The following NEGR1 variants were observed in gnomAD, a reference collection of about 807,000 sequenced individuals.
NEGR1 encodes the protein neuronal growth regulator 1, also known as IgLON family member 4.
NEGR1 carries 10 observed loss-of-function variants against 40.9 expected under a neutral mutation model. The ratio of observed to expected loss-of-function variants is 0.24; its 90% CI spans 0.15 to 0.42. The LOEUF is 0.42. NEGR1 is among the 10% of genes least tolerant of loss of function. The probability of loss-of-function intolerance (pLI) is 1.00; values close to 1 mark genes in which losing one functional copy is unlikely to be tolerated. For missense variants in NEGR1, 352 were observed against 438.9 expected, an observed-to-expected ratio of 0.80 and a Z score of 1.77; for synonymous variants, 185 against 166.8, an observed-to-expected ratio of 1.11 and a Z score of -0.84.
At chr1:71,973,660 G>T (rs1389138967) in intron 1 of NEGR1, among the ~76,000 whole-genome samples, 2 of 151,646 alleles carry the variant, frequency 1.3e-5, no homozygotes, top group African/African-American at 4.8e-5. Context: ...TTTTCTCTTA[G>T]CAAAATGAAT....
intron 1 of NEGR1, 99 bp from the exon 2 acceptor site, chr1:71,935,410 C>A (rs1645895646): frequency 2.6e-6 from 2 of 768,258 alleles, no homozygotes; most frequent in South Asian, 3.3e-5. Context: ...AATAATAGCA[C>A]AGCATCAAAT....
At chr1:71,848,059 A>C (rs1052332257) in intron 2 of NEGR1, among the ~76,000 whole-genome samples, 2 of 152,212 alleles carry the variant, frequency 1.3e-5, no homozygotes, top group African/African-American at 4.8e-5. Context: ...CAGTCCCTTA[A>C]GCCAAAGCCT....
At chr1:72,031,704 C>T (rs1049065815) in intron 1 of NEGR1, among the ~76,000 whole-genome samples, 1 of 152,046 alleles carries the variant, frequency 6.6e-6, no homozygotes, top group South Asian at 2.1e-4. Context: ...CAGAGAGATT[C>T]TAGTACTTGC....
intron 1 of NEGR1, among the ~76,000 whole-genome samples, chr1:71,948,033 A>G (rs141697963): frequency 6.6e-4 from 100 of 152,292 alleles, no homozygotes; most frequent in African/African-American, 2.2e-3. Flanking sequence ...AAGTTTACAC[A>G]TTGAATATAG....
At chr1:71,610,951 C>T (rs1650229636) in intron 5 of NEGR1, 75 bp downstream of exon 5, 1 of 1,496,448 alleles carries the variant, frequency 6.7e-7, no homozygotes, top group Non-Finnish European at 9.2e-7. Flanking sequence ...AAGAAATTGC[C>T]TAAAGTAAGT....
At chr1:71,967,543 T>C (rs1646220255) in intron 1 of NEGR1, among the ~76,000 whole-genome samples, 1 of 152,210 alleles carries the variant, frequency 6.6e-6, no homozygotes, top group South Asian at 2.1e-4. Context: ...CATACATGAT[T>C]ATAATTTTTA....
chr1:71,783,776 G>T (rs748975634), intron 2 of NEGR1, among the ~76,000 whole-genome samples: 1 of 152,040 alleles, frequency 6.6e-6, no homozygotes, highest in African/African-American at 2.4e-5. Context: ...TCTGTCCTTC[G>T]TGGGGTCACC....
At chr1:72,250,718 T>C (rs1004992063) in intron 1 of NEGR1, among the ~76,000 whole-genome samples, 1 of 152,178 alleles carries the variant, frequency 6.6e-6, no homozygotes, top group African/African-American at 2.4e-5. Context: ...TTTATCAATA[T>C]CTTAAGGGTG....
chr1:71,740,461 C>A (rs1246294694), intron 3 of NEGR1, among the ~76,000 whole-genome samples: 2 of 151,986 alleles, frequency 1.3e-5, no homozygotes, highest in African/African-American at 4.8e-5. Flanking sequence ...AAATATGAAG[C>A]TAAATTTTCC....
At chr1:71,628,028 C>A (rs938662297) in intron 4 of NEGR1, among the ~76,000 whole-genome samples, 1 of 152,156 alleles carries the variant, frequency 6.6e-6, no homozygotes, top group South Asian at 2.1e-4. Flanking sequence ...AGGGTGATAA[C>A]TCACCATGGG....
At chr1:71,944,435 T>A (rs1645999445) in intron 1 of NEGR1, among the ~76,000 whole-genome samples, 1 of 152,140 alleles carries the variant, frequency 6.6e-6, no homozygotes, top group East Asian at 1.9e-4. Context: ...ATTGAGGGAA[T>A]AAAGGACATG....
intron 3 of NEGR1, among the ~76,000 whole-genome samples, chr1:71,717,140 G>A (rs1395191266): frequency 2.6e-5 from 4 of 152,118 alleles, no homozygotes; most frequent in South Asian, 2.1e-4. Flanking sequence ...ATTGGTCTGC[G>A]CCATGTGAAA....
At position 71,399,992 on chromosome 1, in the gene NEGR1, G is replaced by C. The variant is rs1476253023; in HGVS notation, c.*7454C>G. Reference sequence around the variant, plus strand: ...TTTCTTGAGAAATCCCCATGTGCTTGAATACTTGTTTAAGCACAATTCAGA... The same window carrying C: ...TTTCTTGAGAAATCCCCATGTGCTTCAATACTTGTTTAAGCACAATTCAGA... On this transcript the variant is annotated 3_prime_UTR_variant, in exon 7 of 7. Coordinates refer to ENST00000357731, the MANE Select transcript of NEGR1 (RefSeq NM_173808.3). 1.3e-5 allele frequency: 2 copies of C among 152,110 alleles called. No individual in the cohort carries two copies. The highest frequency in any genetic ancestry group is 6.5e-5 in the Admixed American group (1 of 15,272). 9.4% of individuals were successfully genotyped at this position (152,110 alleles called of 1,614,324 possible). A position where few individuals can be genotyped will look rare whatever the true frequency, so the allele number is the denominator to read the frequency against.
intron 6 of NEGR1, among the ~76,000 whole-genome samples, chr1:71,420,191 G>A (rs1021780325): frequency 1.1e-4 from 16 of 152,026 alleles, no homozygotes; most frequent in Admixed American, 6.6e-4. Context: ...CAAAACATTA[G>A]GAAATTTTTG....
intron 2 of NEGR1, among the ~76,000 whole-genome samples, chr1:71,824,583 G>T (rs1658550113): frequency 6.6e-6 from 1 of 151,894 alleles, no homozygotes; most frequent in African/African-American, 2.4e-5. Flanking sequence ...TCAAAGCAAT[G>T]AATTTTGACA....
intron 2 of NEGR1, among the ~76,000 whole-genome samples, chr1:71,825,770 C>T (rs1313549328): frequency 2.0e-5 from 3 of 151,712 alleles, no homozygotes. Flanking sequence ...AATAAACACT[C>T]AATGTATATT....
chr1:72,208,220 A>C (rs1418430048), intron 1 of NEGR1, among the ~76,000 whole-genome samples: 1 of 151,732 alleles, frequency 6.6e-6, no homozygotes, highest in African/African-American at 2.4e-5. Flanking sequence ...CATGTGATTA[A>C]ATAATGTGGA....
intron 6 of NEGR1, among the ~76,000 whole-genome samples, chr1:71,474,670 A>G (rs1646807491): frequency 7.4e-6 from 1 of 135,670 alleles, no homozygotes; most frequent in African/African-American, 2.7e-5. Context: ...AAATTGTACC[A>G]TTGTACCATT....
intron 1 of NEGR1, among the ~76,000 whole-genome samples, chr1:72,002,472 G>A (rs953649232): frequency 6.6e-6 from 1 of 152,008 alleles, no homozygotes; most frequent in African/African-American, 2.4e-5. Context: ...TATCAACTAA[G>A]CAGGAACAGT....
Sources: allele counts gnomAD v4.1 joint callset (sites outside exome capture counted in the v4.1 genomes callset), GRCh38; gene constraint gnomAD v4.1.1; transcripts MANE v1.5; gene names NCBI Gene and HGNC (gene_info 2026-07-23, HGNC 2026-07-21).